CR1: variants seen among roughly 807,000 people sequenced by gnomAD.
CR1 encodes the protein complement C3b/C4b receptor 1 (Knops blood group), also known as complement receptor type 1.
In CR1, 116 loss-of-function variants were observed where a neutral mutation model predicts 187.3. That is an observed-to-expected ratio of 0.62 (90% CI 0.53 to 0.72). The LOEUF (loss-of-function observed/expected upper bound fraction) is 0.72. Ranked by LOEUF, CR1 falls within the 30% of genes least tolerant of loss-of-function variation. The pLI is 0.00. For missense variants in CR1, 1,731 were observed against 2,110.7 expected, an observed-to-expected ratio of 0.82 and a Z score of 3.52; for synonymous variants, 576 against 747.1, an observed-to-expected ratio of 0.77 and a Z score of 3.73.
At chr1:207,591,716 A>G (rs1389057445) in intron 35 of CR1, among the ~76,000 whole-genome samples, 1 of 151,978 alleles carries the variant, frequency 6.6e-6, no homozygotes. Context: ...TAATAAAGAA[A>G]AAGAGAGAAG....
intron 3 of CR1, among the ~76,000 whole-genome samples, chr1:207,509,856 T>C (rs1415707396): frequency 6.6e-6 from 1 of 152,180 alleles, no homozygotes; most frequent in Non-Finnish European, 1.5e-5. Context: ...CATACTTGTG[T>C]TTATGTCTGT....
In CR1 at chr1:207,619,916, T is replaced by G; in HGVS notation, c.7103T>G (p.Ile2368Ser). ...NCSFPLFMNGISKELEMKKVY... is the reference protein window; with the variant it reads ...NCSFPLFMNGSSKELEMKKVY... ...AGCTTCCCACTGTTTATGAATGGAA[T>G]CTCGAAGGAGTTAGAAATGAAAAAA... is the stretch of plus-strand genomic sequence containing the variant. Residue 2368 changes from isoleucine to serine, a missense_variant, in exon 43 of 47, where the codon ATC (isoleucine) becomes AGC (serine). Ile to Ser is a moderately radical substitution (Grantham distance 142). Coordinates refer to ENST00000367049, the MANE Select transcript of CR1 (RefSeq NM_000651.6). The G allele has an allele frequency of 6.3e-7, 1 of 1,599,836 alleles. No individual in the cohort carries two copies. The highest frequency in any genetic ancestry group is 8.5e-7 in the Non-Finnish European group (1 of 1,172,744).
rs375894322 is a variant in CR1, at chr1:207,609,308, C to T, written c.5915C>T (p.Pro1972Leu). ...CTCTCAGTCATATCTTGTGAGCCAC[C>T]TCCAACCATATCCAATGGAGACTTC... is the stretch of plus-strand genomic sequence containing the variant. ...PICEIISCEP[P>L]PTISNGDFYS... Residue 1972 changes from proline to leucine, a missense_variant, in exon 37 of 47, where the codon CCT (proline) becomes CTT (leucine). By Grantham distance (98) the Pro-to-Leu change is moderately conservative. Around this residue, in one of 5 missense-constraint regions of CR1, gnomAD observed 1,312 missense variants for 1,379.6 expected, o/e 0.95. Transcript: ENST00000367049. The T allele has an allele frequency of 1.2e-6, 2 of 1,613,060 alleles. No individual in the cohort carries two copies. Among genetic ancestry groups the T allele is most frequent in the Non-Finnish European group, 1.7e-6 (2 of 1,179,198 alleles).
At chr1:207,623,237 G>A (rs1662367651) in intron 45 of CR1, among the ~76,000 whole-genome samples, 169 bp downstream of exon 45, 1 of 151,702 alleles carries the variant, frequency 6.6e-6, no homozygotes, top group Admixed American at 6.6e-5. Context: ...CACACTAAAG[G>A]AAGTATATAG....
chr1:207,580,241 G>A lies in CR1; in HGVS notation c.4938G>A (p.Val1646=). ...WEPELPSCSR[V]CQPPPEILHG... ...ACTCTGGAACTGTCCTTTCCACAGT[G>A]TGTCAGCCGCCTCCAGAAATCCTGC... Residue 1646 remains valine, a splice_region_variant and synonymous_variant, in exon 30 of 47, where the codon GTG becomes GTA. Transcript: ENST00000367049. 6.2e-7 allele frequency: 1 copy of A among 1,613,628 alleles called. No homozygotes were observed. Among genetic ancestry groups the A allele is most frequent in the Non-Finnish European group, 8.5e-7 (1 of 1,179,672 alleles).
At chr1:207,616,195 A>G (rs1307620817) in intron 40 of CR1, among the ~76,000 whole-genome samples, 1 of 152,186 alleles carries the variant, frequency 6.6e-6, no homozygotes, top group Non-Finnish European at 1.5e-5. Flanking sequence ...CTTGAAACTT[A>G]TGGTCTCTGA....
At chr1:207,637,291 C>G (rs1289395959) in intron 46 of CR1, among the ~76,000 whole-genome samples, 1 of 152,162 alleles carries the variant, frequency 6.6e-6, no homozygotes, top group East Asian at 1.9e-4. Flanking sequence ...CTGAGTTTGT[C>G]CTGTGCAATT....
At chr1:207,580,684 C>A (rs1160925025) in intron 31 of CR1, 71 bp downstream of exon 31, 3 of 1,361,876 alleles carry the variant, frequency 2.2e-6, no homozygotes, top group Non-Finnish European at 3.1e-6. Context: ...AGGATCAATC[C>A]AAAAAGAGGG....
Position 207,577,791 on chromosome 1 carries a change from T to C in CR1, c.4538-14T>C. The C allele has an allele frequency of 6.2e-7, 1 of 1,613,656 alleles. No individual in the cohort carries two copies. The highest frequency in any genetic ancestry group is 1.7e-4 in the Middle Eastern group (1 of 5,926). On this transcript the variant is annotated splice_polypyrimidine_tract_variant and intron_variant, in intron 28 of 46. Coordinates refer to ENST00000367049, the MANE Select transcript of CR1 (RefSeq NM_000651.6). ...CAAGGTTTTGTTTTGGTTAACTTGC[T>C]GTCTCTTTTCCAGGAATTCCTTGTG...
Position 207,496,239 on chromosome 1 carries a change from A to C in CR1, c.-29A>C, listed in dbSNP as rs755629620. The C allele has an allele frequency of 1.2e-6, 2 of 1,613,530 alleles. No homozygotes were observed. Among genetic ancestry groups the C allele is most frequent in the African/African-American group, 2.7e-5 (2 of 74,906 alleles). The stretch of plus-strand genomic sequence containing the variant: ...CTTATTTCAGTTTTCTTCGAGATCA[A>C]ATCTGGTTTGTAGATGTGCTTGGGG... On this transcript the variant is annotated 5_prime_UTR_variant, in exon 1 of 47. Transcript: ENST00000367049.
At chr1:207,602,708 G>T (rs1357672606) in intron 35 of CR1, among the ~76,000 whole-genome samples, 1 of 151,410 alleles carries the variant, frequency 6.6e-6, no homozygotes, top group African/African-American at 2.4e-5. Context: ...GATATAGATA[G>T]AGAGAGAGAG....
intron 37 of CR1, among the ~76,000 whole-genome samples, chr1:207,611,369 C>A (rs911404090): frequency 6.6e-6 from 1 of 152,288 alleles, no homozygotes; most frequent in East Asian, 1.9e-4. Context: ...CCAAACCACC[C>A]GCACTCACGA....
chr1:207,614,691 A>C (rs1662044152), intron 40 of CR1, among the ~76,000 whole-genome samples: 1 of 152,212 alleles, frequency 6.6e-6, no homozygotes, highest in African/African-American at 2.4e-5. Context: ...CAAATCACTT[A>C]GTTTAATGAC....
intron 4 of CR1, among the ~76,000 whole-genome samples, chr1:207,517,466 TA>T (rs1469826667): frequency 2.6e-5 from 4 of 152,174 alleles, no homozygotes; most frequent in African/African-American, 9.6e-5. Context: ...GATCTTGGGT[TA>T]TAATTTGCTT....
chr1:207,632,725 G>T (rs1484984368), intron 46 of CR1, among the ~76,000 whole-genome samples: 1 of 151,256 alleles, frequency 6.6e-6, no homozygotes, highest in Admixed American at 6.6e-5. Flanking sequence ...GTGAGCCCGG[G>T]AGGCGGAGCT....
At position 207,523,980 on chromosome 1, in the gene CR1, G is replaced by T. The variant is rs748094202; in HGVS notation, c.857G>T (p.Trp286Leu). Residue 286 changes from tryptophan (W) to leucine (L), a missense_variant, in exon 5 of 47, where the codon TGG becomes TTG. Coordinates refer to ENST00000367049, the MANE Select transcript of CR1 (RefSeq NM_000651.6). ...GTGAAGTGCCAGGCCCTGAACAAAT[G>T]GGAGCCGGAGCTACCAAGCTGCTCC... ...RRVKCQALNK[W>L]EPELPSCSRV... 1.9e-6 allele frequency: 3 copies of T among 1,611,684 alleles called. No individual in the cohort carries two copies. Among genetic ancestry groups the T allele is most frequent in the Non-Finnish European group, 2.5e-6 (3 of 1,179,724 alleles).
chr1:207,618,016 T>C (rs550160519), intron 41 of CR1, 55 bp from the exon 42 acceptor site: 1 of 1,565,774 alleles, frequency 6.4e-7, no homozygotes, highest in South Asian at 1.2e-5. Context: ...TGTATTCATA[T>C]GTCTATGTTT....
chr1:207,553,089 G>GA lies in CR1; in HGVS notation c.3101+246dup, dbSNP rs1223818618. ...AGTATGCTGTTCACTGGATGGGAAA[G>GA]AAAAAAAATTAGAAGTGTAGTAGTC... On this transcript the variant is annotated intron_variant, in intron 19 of 46. Coordinates refer to ENST00000367049, the MANE Select transcript of CR1 (RefSeq NM_000651.6). 21 of 308,688 alleles carry GA rather than the reference G, an allele frequency of 6.8e-5. 2 individuals carry two copies. Among genetic ancestry groups the GA allele is most frequent in the African/African-American group, 3.0e-4 (6 of 20,182 alleles). The allele number at this position is 308,688 out of a possible 1,614,324, so 19.1% of individuals were successfully genotyped here. A position where few individuals can be genotyped will look rare whatever the true frequency, so the allele number is the denominator to read the frequency against.
intron 1 of CR1, among the ~76,000 whole-genome samples, chr1:207,497,282 C>G (rs527242899): frequency 6.6e-5 from 10 of 152,268 alleles, no homozygotes; most frequent in African/African-American, 2.4e-4. Context: ...ACATCTCTTC[C>G]TTTTTCTTAA....
Sources: allele counts gnomAD v4.1 joint callset (sites outside exome capture counted in the v4.1 genomes callset), GRCh38; gene constraint gnomAD v4.1.1; regional missense constraint gnomAD v4.1.1; transcripts MANE v1.5; gene names NCBI Gene and HGNC (gene_info 2026-07-23, HGNC 2026-07-21).